Variants in TAOK1 observed in about 807,000 individuals in gnomAD.
TAOK1 encodes the protein serine/threonine-protein kinase TAO1.
Under a neutral mutation model 138.3 loss-of-function variants are expected in TAOK1, and 21 were observed. That is an observed-to-expected ratio of 0.15 (90% CI 0.11 to 0.22). The LOEUF is 0.22. TAOK1 is among the 10% of genes least tolerant of loss of function. The probability of loss-of-function intolerance (pLI) is 1.00; values close to 1 mark genes in which losing one functional copy is unlikely to be tolerated. For missense variants in TAOK1, 651 were observed against 1,227.7 expected (o/e 0.53, Z 7.02); for synonymous variants, 361 against 398.4 (o/e 0.91, Z 1.12).
At chr17:29,496,626 A>C (rs1306926771) in intron 11 of TAOK1, among the ~76,000 whole-genome samples, 26 of 113,118 alleles carry the variant, frequency 2.3e-4, no homozygotes, top group South Asian at 1.4e-3. Flanking sequence ...CTTGCTCTGT[A>C]GCCCAGTTTG....
intron 1 of TAOK1, among the ~76,000 whole-genome samples, chr17:29,441,812 C>T (rs144368808): frequency 2.6e-5 from 4 of 152,042 alleles, no homozygotes; most frequent in Non-Finnish European, 4.4e-5. Flanking sequence ...GCAGGAGAAT[C>T]GCTTGAACCC....
chr17:29,476,293 A>G (rs1365135697), intron 4 of TAOK1, among the ~76,000 whole-genome samples: 2 of 152,202 alleles, frequency 1.3e-5, no homozygotes, highest in Non-Finnish European at 2.9e-5. Context: ...TGAATAATTA[A>G]TAAGTCACAG....
intron 15 of TAOK1, 65 bp from the exon 16 acceptor site, chr17:29,517,388 G>A (rs1479497968): frequency 3.3e-6 from 5 of 1,527,508 alleles, no homozygotes; most frequent in Non-Finnish European, 3.6e-6. Flanking sequence ...CCAGAGTGCT[G>A]GGATTACAGG....
intron 1 of TAOK1, among the ~76,000 whole-genome samples, chr17:29,394,160 T>TTG (rs1439774830): frequency 2.7e-5 from 3 of 110,728 alleles, no homozygotes; most frequent in African/African-American, 1.3e-4. Context: ...GTTTTTTTTT[T>TTG]TTTTTTTTTT....
intron 8 of TAOK1, among the ~76,000 whole-genome samples, chr17:29,488,331 G>A (rs1049798667): frequency 1.3e-5 from 2 of 152,154 alleles, no homozygotes; most frequent in Admixed American, 6.5e-5. Context: ...AGCACTTTGG[G>A]AGGCCGAGAC....
chr17:29,532,963 C>A (rs1410342899), intron 18 of TAOK1, among the ~76,000 whole-genome samples: 11 of 115,860 alleles, frequency 9.5e-5, no homozygotes, highest in African/African-American at 3.7e-4. Flanking sequence ...CCCTCCCGGA[C>A]GGGGCGGGTG....
At chr17:29,537,686 G>A (rs2150776756) in intron 19 of TAOK1, among the ~76,000 whole-genome samples, 1 of 151,162 alleles carries the variant, frequency 6.6e-6, no homozygotes, top group African/African-American at 2.4e-5. Flanking sequence ...AATGTTAAGT[G>A]TTTAAAACTT....
At chr17:29,456,985 G>A (rs1442274859) in intron 2 of TAOK1, among the ~76,000 whole-genome samples, 1 of 149,898 alleles carries the variant, frequency 6.7e-6, no homozygotes, top group Non-Finnish European at 1.5e-5. Flanking sequence ...CGCCTTCCTC[G>A]GCCTCCCAAA....
rs541452902 is a variant in TAOK1 at position 29,397,662 on chromosome 17, A to G, written c.-95+6638A>G. 2.7e-5 allele frequency among the ~76,000 whole-genome samples: 3 copies of G among 113,034 alleles called. No individual in the cohort carries two copies. The East Asian group carries it at 2.9e-3, about 110-fold the overall frequency. The allele number at this position is 113,034 out of a possible 152,430, so 74.2% of individuals were successfully genotyped here. A position where few individuals can be genotyped will look rare whatever the true frequency, so the allele number is the denominator to read the frequency against. On this transcript the variant is annotated intron_variant, in intron 1 of 19. Coordinates refer to ENST00000261716, the MANE Select transcript of TAOK1 (RefSeq NM_020791.4). ...TACATGTATATATGTATATTCATGTATGATACATGTATACATGTATACATG... is the reference window on the plus strand; with the variant it reads ...TACATGTATATATGTATATTCATGTGTGATACATGTATACATGTATACATG...
At chr17:29,540,139 G>A (rs1313523548) in intron 19 of TAOK1, among the ~76,000 whole-genome samples, 3 of 152,116 alleles carry the variant, frequency 2.0e-5, no homozygotes, top group African/African-American at 7.2e-5. Context: ...AGGATGGACT[G>A]GAGTAAGAAG....
intron 6 of TAOK1, among the ~76,000 whole-genome samples, chr17:29,479,001 T>C (rs1045116762): frequency 6.6e-6 from 1 of 152,154 alleles, no homozygotes; most frequent in African/African-American, 2.4e-5. Flanking sequence ...TGTAGGCATC[T>C]ATAATCCCAG....
At chr17:29,497,669 G>A (rs1304219710) in intron 11 of TAOK1, among the ~76,000 whole-genome samples, 1 of 148,584 alleles carries the variant, frequency 6.7e-6, no homozygotes, top group Non-Finnish European at 1.5e-5. Context: ...AAATTATTTG[G>A]TGGTAAAAAG....
intron 18 of TAOK1, 121 bp from the exon 19 acceptor site, chr17:29,533,997 A>C: frequency 9.2e-7 from 1 of 1,090,656 alleles, no homozygotes; most frequent in East Asian, 3.0e-5. Flanking sequence ...AGAGAGAAAA[A>C]TTGTCTAAAC....
At chr17:29,391,878 C>G (rs1396202914) in intron 1 of TAOK1, among the ~76,000 whole-genome samples, 1 of 152,196 alleles carries the variant, frequency 6.6e-6, no homozygotes, top group Non-Finnish European at 1.5e-5. Flanking sequence ...TTTGTACCTC[C>G]TCATCCTCAT....
chr17:29,458,722 T>C (rs140755342), intron 2 of TAOK1, among the ~76,000 whole-genome samples: 2,285 of 152,168 alleles, frequency 0.015, 54 homozygotes, highest in African/African-American at 0.053. Context: ...TGAGACAGAG[T>C]CTCACTCTTT....
chr17:29,402,027 TC>T (rs1183957641), intron 1 of TAOK1, among the ~76,000 whole-genome samples: 3 of 152,204 alleles, frequency 2.0e-5, no homozygotes, highest in Non-Finnish European at 2.9e-5. Context: ...GTTTGCTTTT[TC>T]CTTTTTCTTT....
Position 29,543,099 on chromosome 17 carries a change from T to G in TAOK1, c.*77T>G. 7.8e-7 allele frequency: 1 copy of G among 1,282,232 alleles called. No homozygotes were observed. Among genetic ancestry groups the G allele is most frequent in the Non-Finnish European group, 1.1e-6 (1 of 937,854 alleles). The allele number at this position is 1,282,232 out of a possible 1,614,324, so 79.4% of individuals were successfully genotyped here. A position where few individuals can be genotyped will look rare whatever the true frequency, so the allele number is the denominator to read the frequency against. ...GCCTACAGACATCATCACAGCAGCCTCCTCACTTGGGTACTACAGTGTGGA... is the reference window on the plus strand; with the variant it reads ...GCCTACAGACATCATCACAGCAGCCGCCTCACTTGGGTACTACAGTGTGGA... On this transcript the variant is annotated 3_prime_UTR_variant, in exon 20 of 20. Coordinates refer to ENST00000261716, the MANE Select transcript of TAOK1 (RefSeq NM_020791.4).
At position 29,439,602 on chromosome 17, in the gene TAOK1, C is replaced by T. The variant is rs184137796; in HGVS notation, c.-94-11853C>T. Among the ~76,000 whole-genome samples the T allele has an allele frequency of 5.5e-4, 83 of 152,210 alleles. No homozygotes were observed. The East Asian group carries it at 0.014, about 25-fold the overall frequency. On this transcript the variant is annotated intron_variant, in intron 1 of 19. Transcript: ENST00000261716. Reference sequence around the variant, plus strand: ...GTCTTGTCTCTAGTCTCCTCCAGAACAGTTACCTGTGTATTTTTTTGTCTT... The same window carrying T: ...GTCTTGTCTCTAGTCTCCTCCAGAATAGTTACCTGTGTATTTTTTTGTCTT...
At chr17:29,398,598 C>T (rs1445305597) in intron 1 of TAOK1, among the ~76,000 whole-genome samples, 3 of 151,158 alleles carry the variant, frequency 2.0e-5, no homozygotes, top group African/African-American at 2.4e-5. Flanking sequence ...GGCGTGATCT[C>T]GGCTAACTGC....
Sources: allele counts gnomAD v4.1 joint callset (sites outside exome capture counted in the v4.1 genomes callset), GRCh38; gene constraint gnomAD v4.1.1; transcripts MANE v1.5; gene names NCBI Gene and HGNC (gene_info 2026-07-23, HGNC 2026-07-21).